Variants in COL4A4 observed in about 807,000 individuals in gnomAD.
The protein encoded by COL4A4 is collagen alpha-4(IV) chain.
Under a neutral mutation model 192.9 loss-of-function variants are expected in COL4A4, and 105 were observed. The ratio of observed to expected loss-of-function variants is 0.54; its 90% confidence interval spans 0.46 to 0.64. The LOEUF is 0.64. Among genes scored for constraint, COL4A4 ranks in the 30% least tolerant of loss-of-function variants. The pLI, the probability that COL4A4 is intolerant of heterozygous loss-of-function variation, is 0.00. For synonymous variants in COL4A4, 762 were observed against 769.9 expected, an observed-to-expected ratio of 0.99 and a Z score of 0.17; for missense variants, 1,967 against 2,169.3, an observed-to-expected ratio of 0.91 and a Z score of 1.85.
chr2:227,033,842 G>C (rs1261417828), intron 37 of COL4A4, among the ~76,000 whole-genome samples: 2 of 152,156 alleles, frequency 1.3e-5, no homozygotes, highest in African/African-American at 4.8e-5. Context: ...GATCGGATGG[G>C]AGCAAATCCA....
chr2:227,133,022 T>C (rs2062582060), intron 4 of COL4A4, among the ~76,000 whole-genome samples: 1 of 152,240 alleles, frequency 6.6e-6, no homozygotes, highest in Admixed American at 6.5e-5. Context: ...TCCCCCAAAC[T>C]GTGCCCTGCT....
At chr2:226,986,831 A>G in the COL4A4 span, among the ~76,000 whole-genome samples, 1 of 152,252 alleles carries the variant, frequency 6.6e-6, no homozygotes, top group South Asian at 2.1e-4. Context: ...ATTACTGGGT[A>G]TATACCCAAA....
chr2:227,091,474 G>T (rs557393085), intron 20 of COL4A4, among the ~76,000 whole-genome samples: 2 of 150,470 alleles, frequency 1.3e-5, no homozygotes, highest in Non-Finnish European at 3.0e-5. Flanking sequence ...GATAGATAGA[G>T]TACAGAAAGA....
intron 37 of COL4A4, among the ~76,000 whole-genome samples, chr2:227,041,646 A>T (rs1175769041): frequency 6.7e-6 from 1 of 149,432 alleles, no homozygotes; most frequent in East Asian, 2.0e-4. Context: ...ATCAAAAAAA[A>T]AGAAAAAAGA....
intron 29 of COL4A4, among the ~76,000 whole-genome samples, chr2:227,057,221 C>T (rs1323059155): frequency 1.3e-5 from 2 of 152,160 alleles, no homozygotes; most frequent in Non-Finnish European, 2.9e-5. Flanking sequence ...TAATGCAACC[C>T]ACTGTGTGTG....
the COL4A4 span, among the ~76,000 whole-genome samples, chr2:226,968,364 G>C: frequency 6.6e-6 from 1 of 152,220 alleles, no homozygotes; most frequent in African/African-American, 2.4e-5. Flanking sequence ...AGGGTGAGCA[G>C]GAACTCTCAG....
Position 227,043,099 on chromosome 2 carries a change from G to A in COL4A4, c.3375C>T (p.Ser1125=). 3 of 1,613,590 alleles carry A rather than the reference G, an allele frequency of 1.9e-6. No homozygotes were observed. Among genetic ancestry groups the A allele is most frequent in the Non-Finnish European group, 2.5e-6 (3 of 1,179,882 alleles). Reference sequence around the variant, plus strand: ...TACCTGGGCACCCTGGTGGTCCAGAGGAGCCAGGTGGCCCTGGCCTTCCAG... The same window carrying A: ...TACCTGGGCACCCTGGTGGTCCAGAAGAGCCAGGTGGCCCTGGCCTTCCAG... The part of the protein sequence containing the change: ...GSPGRPGPPG[S]SGPPGCPGDH... Residue 1125 remains serine (S), a synonymous_variant, in exon 36 of 48, where the codon TCC becomes TCT. Transcript: ENST00000396625.
At chr2:226,991,315 G>A in the COL4A4 span, among the ~76,000 whole-genome samples, 2 of 152,158 alleles carry the variant, frequency 1.3e-5, no homozygotes, top group East Asian at 1.9e-4. Context: ...CAAGTAGCAC[G>A]GGATTACAGG....
Position 227,094,114 on chromosome 2 carries a change from G to C in COL4A4, c.1369+11C>G, listed in dbSNP as rs754048753. 1 of 1,612,004 alleles carries C rather than the reference G, an allele frequency of 6.2e-7. No homozygotes were observed. ...ATAAATGCTAATGGATATGAATAAG[G>C]AGTACTTTACCACTTGATCCTGGGA... On this transcript the variant is annotated intron_variant, in intron 20 of 47. Transcript: ENST00000396625.
chr2:227,114,194 C>A (rs148462035), intron 8 of COL4A4, among the ~76,000 whole-genome samples: 2 of 152,278 alleles, frequency 1.3e-5, no homozygotes, highest in African/African-American at 4.8e-5. Flanking sequence ...GGGGTGATTT[C>A]CCCCCAGGGG....
chr2:227,071,081 T>G (rs905457179), intron 25 of COL4A4, among the ~76,000 whole-genome samples: 4 of 152,048 alleles, frequency 2.6e-5, no homozygotes, highest in African/African-American at 4.8e-5. Flanking sequence ...ATGTTGAGTG[T>G]AAATGCTCCA....
chr2:226,970,636 A>G, the COL4A4 span, among the ~76,000 whole-genome samples: 2 of 152,240 alleles, frequency 1.3e-5, no homozygotes, highest in South Asian at 2.1e-4. Context: ...CACCACCTGG[A>G]GGAATAAAGA....
At chr2:227,073,910 C>G (rs1326613783) in intron 25 of COL4A4, among the ~76,000 whole-genome samples, 1 of 151,898 alleles carries the variant, frequency 6.6e-6, no homozygotes, top group East Asian at 1.9e-4. Context: ...GAAGATGGTT[C>G]AAAGACTTAA....
Position 227,118,626 on chromosome 2 carries a change from T to C in COL4A4, c.489+19A>G. 1.3e-6 allele frequency: 2 copies of C among 1,553,016 alleles called. No homozygotes were observed. The highest frequency in any genetic ancestry group is 1.8e-6 in the Non-Finnish European group (2 of 1,124,330). ...TGTTCACTTAAGATTCCTGTTAAGATGAACTGTGGGTATCTTACTAGGGGG... is the reference window on the plus strand; with the variant it reads ...TGTTCACTTAAGATTCCTGTTAAGACGAACTGTGGGTATCTTACTAGGGGG... On this transcript the variant is annotated intron_variant, in intron 7 of 47. Coordinates refer to ENST00000396625, the MANE Select transcript of COL4A4 (RefSeq NM_000092.5).
At chr2:226,993,619 TG>T in the COL4A4 span, among the ~76,000 whole-genome samples, 3 of 152,040 alleles carry the variant, frequency 2.0e-5, no homozygotes, top group Non-Finnish European at 4.4e-5. Context: ...TATTTTGGGG[TG>T]TTCTAGTCAG....
downstream of COL4A4, among the ~76,000 whole-genome samples, chr2:227,002,340 G>GTAGT (rs1287407608): frequency 1.3e-5 from 2 of 152,194 alleles, no homozygotes; most frequent in Non-Finnish European, 2.9e-5. Flanking sequence ...AAATCTCTTT[G>GTAGT]TAGTTAACTT....
At chr2:227,017,852 G>A (rs1351110752) in intron 44 of COL4A4, among the ~76,000 whole-genome samples, 4 of 152,084 alleles carry the variant, frequency 2.6e-5, no homozygotes, top group Admixed American at 1.3e-4. Flanking sequence ...TGTTACATAG[G>A]TAAACTCATG....
intron 4 of COL4A4, among the ~76,000 whole-genome samples, chr2:227,138,618 G>A (rs767501016): frequency 3.3e-4 from 49 of 147,464 alleles, no homozygotes; most frequent in Non-Finnish European, 5.6e-4. Flanking sequence ...GGGTGACAGA[G>A]CGAGACTCTG....
intron 19 of COL4A4, among the ~76,000 whole-genome samples, chr2:227,095,825 G>A (rs1198972913): frequency 6.6e-6 from 1 of 152,186 alleles, no homozygotes; most frequent in Admixed American, 6.5e-5. Context: ...AACCTGAGAG[G>A]CGGAGGTTGC....
Sources: allele counts gnomAD v4.1 joint callset (sites outside exome capture counted in the v4.1 genomes callset), GRCh38; gene constraint gnomAD v4.1.1; transcripts MANE v1.5; gene names NCBI Gene and HGNC (gene_info 2026-07-23, HGNC 2026-07-21).